The following ROBO2 variants were observed in gnomAD, a reference collection of about 807,000 sequenced individuals.
ROBO2 encodes roundabout guidance receptor 2.
A neutral mutation model predicts 160.8 loss-of-function variants in ROBO2; 53 were observed. The ratio of observed to expected loss-of-function variants is 0.33; its 90% CI spans 0.26 to 0.41. The LOEUF (loss-of-function observed/expected upper bound fraction) is 0.41. Among genes scored for constraint, ROBO2 ranks in the 10% least tolerant of loss-of-function variants. The pLI is 1.00. For missense variants in ROBO2, 1,577 were observed against 1,722.4 expected (o/e 0.92, Z 1.49); for synonymous variants, 664 against 611.7 (o/e 1.09, Z -1.26).
intron 2 of ROBO2, among the ~76,000 whole-genome samples, chr3:77,103,989 A>G (rs2072430645): frequency 6.6e-6 from 1 of 152,196 alleles, no homozygotes; most frequent in African/African-American, 2.4e-5. Flanking sequence ...ACACATCATA[A>G]AGACACAAGA....
At chr3:76,844,245 A>G (rs2068572737) in intron 2 of ROBO2, among the ~76,000 whole-genome samples, 1 of 151,938 alleles carries the variant, frequency 6.6e-6, no homozygotes, top group Non-Finnish European at 1.5e-5. Flanking sequence ...ATAATAGAAT[A>G]CTCTATTGGG....
chr3:76,818,737 T>G (rs2109093337), intron 2 of ROBO2, among the ~76,000 whole-genome samples: 1 of 152,194 alleles, frequency 6.6e-6, no homozygotes, highest in Non-Finnish European at 1.5e-5. Flanking sequence ...TTTATGTCTT[T>G]GTTTGCTTTG....
intron 2 of ROBO2, among the ~76,000 whole-genome samples, chr3:76,235,067 A>G (rs1298977488): frequency 6.6e-6 from 1 of 152,126 alleles, no homozygotes; most frequent in African/African-American, 2.4e-5. Flanking sequence ...TTTTGGGCCC[A>G]AAGGGTGGGT....
chr3:76,573,680 A>G (rs1318168728), intron 2 of ROBO2, among the ~76,000 whole-genome samples: 3 of 152,132 alleles, frequency 2.0e-5, no homozygotes, highest in African/African-American at 4.8e-5. Context: ...TTAATAATTT[A>G]TATAGTTTTA....
At chr3:76,022,689 C>T (rs1470251676) in intron 2 of ROBO2, among the ~76,000 whole-genome samples, 2 of 151,716 alleles carry the variant, frequency 1.3e-5, no homozygotes, top group Non-Finnish European at 3.0e-5. Flanking sequence ...AACAGATATA[C>T]TGTCATTCAG....
At chr3:77,642,848 C>T in intron 24 of ROBO2, 1 of 456,684 alleles carries the variant, frequency 2.2e-6, no homozygotes. Context: ...GCTAGAACCT[C>T]CCTAGAGTGG....
At chr3:77,226,539 T>G (rs574317582) in intron 2 of ROBO2, among the ~76,000 whole-genome samples, 1 of 152,216 alleles carries the variant, frequency 6.6e-6, no homozygotes, top group East Asian at 1.9e-4. Flanking sequence ...AAGTAAATCT[T>G]GAACACCTAC....
intron 2 of ROBO2, among the ~76,000 whole-genome samples, chr3:76,606,646 G>GT (rs368386968): frequency 3.8e-4 from 58 of 151,236 alleles, no homozygotes; most frequent in Middle Eastern, 3.5e-3. Context: ...TATTCTGTTG[G>GT]TTTTTTTTGT....
chr3:76,289,495 T>G (rs35321626), intron 2 of ROBO2, among the ~76,000 whole-genome samples: 8,497 of 152,274 alleles, frequency 0.056, 246 homozygotes, highest in Admixed American at 0.067. Context: ...TTGAGTTTGA[T>G]TAGGTCCTAC....
intron 5 of ROBO2, among the ~76,000 whole-genome samples, chr3:77,509,074 A>C (rs921402059): frequency 2.0e-5 from 3 of 152,116 alleles, no homozygotes; most frequent in Admixed American, 1.3e-4. Flanking sequence ...TCTGGTTTAC[A>C]TATTATCTTC....
At chr3:77,379,465 A>G (rs1560672656) in intron 2 of ROBO2, among the ~76,000 whole-genome samples, 1 of 152,146 alleles carries the variant, frequency 6.6e-6, no homozygotes, top group Non-Finnish European at 1.5e-5. Flanking sequence ...AAAAAAATTA[A>G]AAGTCAATGA....
intron 24 of ROBO2, among the ~76,000 whole-genome samples, chr3:77,637,482 G>T (rs2095283573): frequency 6.6e-6 from 1 of 152,118 alleles, no homozygotes; most frequent in Non-Finnish European, 1.5e-5. Flanking sequence ...GTAGAATTGA[G>T]ATTTTTGAGT....
intron 2 of ROBO2, among the ~76,000 whole-genome samples, chr3:76,229,702 T>G (rs1243114030): frequency 6.6e-6 from 1 of 152,088 alleles, no homozygotes; most frequent in East Asian, 1.9e-4. Flanking sequence ...TCTTTCACAT[T>G]ATGAAAGAAG....
intron 2 of ROBO2, among the ~76,000 whole-genome samples, chr3:76,768,767 G>GT (rs1409018461): frequency 2.6e-5 from 4 of 151,038 alleles, no homozygotes; most frequent in Admixed American, 6.6e-5. Flanking sequence ...ACAGTTCATT[G>GT]CCATTTTGAA....
chr3:77,582,942 A>G (rs975949202), intron 16 of ROBO2, among the ~76,000 whole-genome samples: 1 of 151,882 alleles, frequency 6.6e-6, no homozygotes, highest in Non-Finnish European at 1.5e-5. Context: ...GGAGTTCGAG[A>G]CCAGCTGGGC....
At chr3:77,432,097 C>A (rs2153542582) in intron 2 of ROBO2, among the ~76,000 whole-genome samples, 1 of 152,184 alleles carries the variant, frequency 6.6e-6, no homozygotes, top group East Asian at 1.9e-4. Context: ...GCTTTTTTAG[C>A]AATTTGGAAT....
intron 16 of ROBO2, among the ~76,000 whole-genome samples, chr3:77,584,481 T>A (rs1230333958): frequency 6.6e-6 from 1 of 152,196 alleles, no homozygotes; most frequent in Non-Finnish European, 1.5e-5. Context: ...TTTTTTCTAT[T>A]TATTTGCTAA....
intron 2 of ROBO2, among the ~76,000 whole-genome samples, chr3:76,691,740 AG>A (rs1257245535): frequency 6.6e-6 from 1 of 152,168 alleles, no homozygotes; most frequent in African/African-American, 2.4e-5. Flanking sequence ...GCAGGTTGAA[AG>A]CAGGATCTAG....
intron 1 of ROBO2, among the ~76,000 whole-genome samples, chr3:77,060,254 A>AG (rs1387215387): frequency 1.3e-5 from 2 of 152,170 alleles, no homozygotes; most frequent in Admixed American, 1.3e-4. Context: ...AAATTATGCC[A>AG]GGCTACCCAT....
Sources: gnomAD v4.1 joint callset for allele counts (sites outside exome capture counted in the v4.1 genomes callset) on GRCh38, gnomAD v4.1.1 for gene constraint, MANE v1.5 for transcripts, NCBI Gene and HGNC (gene_info 2026-07-23, HGNC 2026-07-21) for gene names.